Variants in COMMD1 observed in about 807,000 individuals in gnomAD.
COMMD1 encodes the protein COMM domain-containing protein 1.
In COMMD1, 10 loss-of-function variants were observed where a neutral mutation model predicts 17.2. The observed-to-expected ratio is 0.58, with a 90% CI of 0.36 to 0.99. The LOEUF (loss-of-function observed/expected upper bound fraction) is 0.99, where lower values mean the gene tolerates loss of function less well. Among genes scored for constraint, COMMD1 ranks in the 50% least tolerant of loss-of-function variants. COMMD1 has a pLI of 0.01. For missense variants in COMMD1, 270 were observed against 231.8 expected, an observed-to-expected ratio of 1.17 and a Z score of -1.07; for synonymous variants, 97 against 91.6, an observed-to-expected ratio of 1.06 and a Z score of -0.34.
intron 1 of COMMD1, among the ~76,000 whole-genome samples, chr2:61,927,689 C>T (rs113128985): frequency 4.3e-4 from 65 of 152,200 alleles, no homozygotes; most frequent in Admixed American, 1.2e-3. Context: ...TGAGCCACCG[C>T]GCCTGGCTGG....
chr2:61,961,535 G>A (rs1671344093), intron 1 of COMMD1, among the ~76,000 whole-genome samples: 1 of 151,978 alleles, frequency 6.6e-6, no homozygotes, highest in African/African-American at 2.4e-5. Context: ...GCAATCTTAT[G>A]GTAAAAAATT....
chr2:61,918,959 A>G (rs1670115717), intron 1 of COMMD1, among the ~76,000 whole-genome samples: 1 of 152,192 alleles, frequency 6.6e-6, no homozygotes, highest in African/African-American at 2.4e-5. Context: ...TAAAACAATA[A>G]TTTTAGAAAT....
intron 1 of COMMD1, among the ~76,000 whole-genome samples, chr2:61,919,490 A>ATT (rs112361188): frequency 8.7e-6 from 1 of 114,800 alleles, no homozygotes; most frequent in African/African-American, 3.1e-5. Flanking sequence ...TAATTTTTGT[A>ATT]TTTTTTTTTT....
chr2:61,915,973 A>G (rs1469262152), intron 1 of COMMD1, among the ~76,000 whole-genome samples: 1 of 149,276 alleles, frequency 6.7e-6, no homozygotes, highest in Non-Finnish European at 1.5e-5. Context: ...CGCCCAGCCT[A>G]TTTATTTATT....
chr2:62,105,084 C>G (rs1573192488), intron 2 of COMMD1, among the ~76,000 whole-genome samples: 2 of 148,788 alleles, frequency 1.3e-5, no homozygotes, highest in African/African-American at 5.0e-5. Context: ...GAGATCGCAC[C>G]ATTGCACTCC....
chr2:61,959,123 T>C (rs984614153), intron 1 of COMMD1, among the ~76,000 whole-genome samples: 9 of 152,230 alleles, frequency 5.9e-5, no homozygotes, highest in Non-Finnish European at 8.8e-5. Flanking sequence ...TTACATCTCC[T>C]TTTGTTTTAT....
At chr2:62,106,358 C>G (rs1672324530) in intron 2 of COMMD1, among the ~76,000 whole-genome samples, 1 of 152,212 alleles carries the variant, frequency 6.6e-6, no homozygotes, top group Non-Finnish European at 1.5e-5. Context: ...TCTCTGTGTT[C>G]TACTCAGGGT....
intron 2 of COMMD1, among the ~76,000 whole-genome samples, chr2:62,070,750 C>A (rs551316059): frequency 8.5e-5 from 13 of 152,294 alleles, no homozygotes; most frequent in African/African-American, 3.1e-4. Context: ...AAGAAATAGG[C>A]CAGGTGCAGT....
At chr2:61,946,469 A>T (rs1272703101) in intron 1 of COMMD1, among the ~76,000 whole-genome samples, 1 of 152,186 alleles carries the variant, frequency 6.6e-6, no homozygotes, top group African/African-American at 2.4e-5. Flanking sequence ...ACTGGAAATT[A>T]TTCCAATAAG....
At chr2:62,042,696 G>A (rs1670266560) in intron 2 of COMMD1, among the ~76,000 whole-genome samples, 2 of 152,216 alleles carry the variant, frequency 1.3e-5, no homozygotes, top group African/African-American at 4.8e-5. Flanking sequence ...CAGCCAGAGC[G>A]GATGCCGAGG....
intron 1 of COMMD1, among the ~76,000 whole-genome samples, chr2:61,935,232 C>T (rs536491856): frequency 1.1e-3 from 167 of 152,314 alleles, no homozygotes; most frequent in Non-Finnish European, 2.0e-3. Context: ...ATATGCAAGA[C>T]AGCAGGATCC....
chr2:62,130,747 C>T (rs970263296), intron 2 of COMMD1, among the ~76,000 whole-genome samples: 3 of 152,110 alleles, frequency 2.0e-5, no homozygotes, highest in Non-Finnish European at 2.9e-5. Context: ...CATTTTGTCA[C>T]TGTAGTATTG....
Position 61,925,213 on chromosome 2 carries a change from G to C in COMMD1, c.180+19355G>C, listed in dbSNP as rs553538356. Among the ~76,000 whole-genome samples, 4 of 152,008 alleles carry C rather than the reference G, an allele frequency of 2.6e-5. No individual in the cohort carries two copies. In the South Asian group the frequency reaches 8.3e-4, roughly 32 times the overall value. On this transcript the variant is annotated intron_variant, in intron 1 of 2. Coordinates refer to ENST00000311832, the MANE Select transcript of COMMD1 (RefSeq NM_152516.4). ...AGAGTGGGGGAGAGAGAGAGTGAGA[G>C]TGAGTCCCGGCCAGAGTCTGTCTGC... is the stretch of plus-strand genomic sequence containing the variant.
Position 62,000,729 on chromosome 2 carries a change from A to G in COMMD1, c.209A>G (p.Asn70Ser), listed in dbSNP as rs768999675. The change falls in exon 2 of 3, where the codon AAC (asparagine) becomes AGC (serine). Residue 70 changes from asparagine to serine, a missense_variant. Physicochemically the swap from Asn to Ser is conservative, Grantham distance 46 (BLOSUM62 1). Coordinates refer to ENST00000311832, the MANE Select transcript of COMMD1 (RefSeq NM_152516.4). ...ATTGCGTCTGCAGACATGGATTTCA[A>G]CCAGCTGGAGGCATTCTTGACTGCT... ...KSIASADMDF[N>S]QLEAFLTAQT... The G allele has an allele frequency of 1.9e-6, 3 of 1,614,088 alleles. No homozygotes were observed. In the Admixed American group the frequency reaches 5.0e-5, roughly 27 times the overall value.
chr2:61,901,627 C>CA (rs1485878991), upstream of COMMD1, among the ~76,000 whole-genome samples: 2 of 152,024 alleles, frequency 1.3e-5, no homozygotes, highest in East Asian at 1.9e-4. Context: ...TGTCCCCCCA[C>CA]AAAAAATAAT....
At chr2:62,034,461 T>G (rs1462272157) in intron 2 of COMMD1, among the ~76,000 whole-genome samples, 1 of 152,090 alleles carries the variant, frequency 6.6e-6, no homozygotes, top group Admixed American at 6.6e-5. Context: ...GCCACTGCCC[T>G]CCAGCCTGGG....
At chr2:62,062,565 C>G (rs1670892529) in intron 2 of COMMD1, among the ~76,000 whole-genome samples, 1 of 152,024 alleles carries the variant, frequency 6.6e-6, no homozygotes, top group African/African-American at 2.4e-5. Context: ...TATACAGTTC[C>G]TGACCAGTGG....
intron 2 of COMMD1, among the ~76,000 whole-genome samples, chr2:62,088,179 A>C (rs1015842966): frequency 6.6e-6 from 1 of 151,528 alleles, no homozygotes; most frequent in African/African-American, 2.4e-5. Flanking sequence ...TCAGTACTTC[A>C]TTACTTGTCT....
rs1266922205 is a variant in COMMD1 at position 62,068,643 on chromosome 2, TTG to T, written c.463-67187_463-67186del. Among the ~76,000 whole-genome samples, 999 of 146,080 alleles carry T rather than the reference TTG, an allele frequency of 6.8e-3. 16 individuals are homozygous for T. The highest frequency in any genetic ancestry group is 0.025 in the African/African-American group (969 of 39,028). Reference sequence around the variant, plus strand: ...ATCTTTTTTTTTTTTTTTTTTTTTTTTGACCGAGTCTCACTCTGTCTCCCAAG... The same window carrying T: ...ATCTTTTTTTTTTTTTTTTTTTTTTTACCGAGTCTCACTCTGTCTCCCAAG... On this transcript the variant is annotated intron_variant, in intron 2 of 2. Coordinates refer to ENST00000311832, the MANE Select transcript of COMMD1 (RefSeq NM_152516.4).
Sources: gnomAD v4.1 joint callset for allele counts (sites outside exome capture counted in the v4.1 genomes callset) on GRCh38, gnomAD v4.1.1 for gene constraint, MANE v1.5 for transcripts, NCBI Gene and HGNC (gene_info 2026-07-23, HGNC 2026-07-21) for gene names.